The following RANBP17 variants were observed in gnomAD, a reference collection of about 807,000 sequenced individuals.
RANBP17 encodes RAN binding protein 17.
In RANBP17, 158 loss-of-function variants were observed where a neutral mutation model predicts 141.2. That is an observed-to-expected ratio of 1.12 (90% CI 0.98 to 1.28). The LOEUF (loss-of-function observed/expected upper bound fraction) is 1.28. Among genes scored for constraint, RANBP17 ranks in the 50% most tolerant of loss-of-function variants. The probability of loss-of-function intolerance (pLI) is 0.00; values close to 1 mark genes in which losing one functional copy is unlikely to be tolerated. For synonymous variants in RANBP17, 430 were observed against 450.0 expected (o/e 0.96, Z 0.56); for missense variants, 1,438 against 1,290.7 (o/e 1.11, Z -1.75).
At chr5:170,908,152 C>G (rs561196966) in intron 5 of RANBP17, among the ~76,000 whole-genome samples, 1 of 151,968 alleles carries the variant, frequency 6.6e-6, no homozygotes, top group African/African-American at 2.4e-5. Context: ...TACTATTCAA[C>G]CCAGCAATCC....
At chr5:171,184,340 A>G (rs1323299155) in intron 18 of RANBP17, among the ~76,000 whole-genome samples, 1 of 152,240 alleles carries the variant, frequency 6.6e-6, no homozygotes, top group Non-Finnish European at 1.5e-5. Context: ...CACAGTGTGG[A>G]TGAACCTGGA....
chr5:170,919,278 T>A (rs1772231331), intron 10 of RANBP17, among the ~76,000 whole-genome samples, 163 bp from the exon 11 acceptor site: 1 of 152,096 alleles, frequency 6.6e-6, no homozygotes, highest in Non-Finnish European at 1.5e-5. Flanking sequence ...TGTTGGTTTC[T>A]TTATACTTTT....
At chr5:171,091,096 G>A (rs1281481562) in intron 14 of RANBP17, among the ~76,000 whole-genome samples, 1 of 152,144 alleles carries the variant, frequency 6.6e-6, no homozygotes, top group Non-Finnish European at 1.5e-5. Context: ...CCAACAGCTT[G>A]CACTGTGCAT....
chr5:171,129,932 T>C (rs1756779411), intron 14 of RANBP17, among the ~76,000 whole-genome samples: 1 of 152,060 alleles, frequency 6.6e-6, no homozygotes, highest in Non-Finnish European at 1.5e-5. Context: ...CAGAAAACAA[T>C]AAAAATTCTA....
At chr5:170,949,274 G>A (rs991203360) in intron 12 of RANBP17, among the ~76,000 whole-genome samples, 1 of 152,078 alleles carries the variant, frequency 6.6e-6, no homozygotes, top group Non-Finnish European at 1.5e-5. Context: ...GTGCATCAAA[G>A]CATGCCATCA....
intron 14 of RANBP17, among the ~76,000 whole-genome samples, chr5:170,984,439 AAT>A (rs1364428935): frequency 4.6e-5 from 7 of 152,266 alleles, no homozygotes; most frequent in Non-Finnish European, 1.0e-4. Flanking sequence ...CAGCCTGTGC[AAT>A]ATAGCGAGAC....
intron 14 of RANBP17, among the ~76,000 whole-genome samples, chr5:170,991,856 GA>G (rs1778532146): frequency 6.6e-6 from 1 of 151,926 alleles, no homozygotes. Context: ...AATTTAATGG[GA>G]AAATTCTCTT....
In RANBP17 at chr5:171,293,998, G is replaced by A; in HGVS notation, c.3042+17G>A. On this transcript the variant is annotated intron_variant, in intron 26 of 27. Coordinates refer to ENST00000523189, the MANE Select transcript of RANBP17 (RefSeq NM_022897.5). Reference sequence around the variant, plus strand: ...AATGAGAAGGTGAGTGTGATTGCAGGAAGTCACGGGAGGTGGTCCCTGGGA... The same window carrying A: ...AATGAGAAGGTGAGTGTGATTGCAGAAAGTCACGGGAGGTGGTCCCTGGGA... 1 of 1,576,478 alleles carries A rather than the reference G, an allele frequency of 6.3e-7. No homozygotes were observed. Among genetic ancestry groups the A allele is most frequent in the Non-Finnish European group, 8.7e-7 (1 of 1,145,766 alleles).
chr5:171,202,885 C>A (rs774016511), intron 19 of RANBP17, among the ~76,000 whole-genome samples: 1 of 152,056 alleles, frequency 6.6e-6, no homozygotes, highest in African/African-American at 2.4e-5. Flanking sequence ...TATAGCTGCC[C>A]CCAGTAGTGC....
chr5:171,274,564 ATT>A (rs1767376383), intron 25 of RANBP17, among the ~76,000 whole-genome samples: 2 of 152,204 alleles, frequency 1.3e-5, no homozygotes, highest in Admixed American at 1.3e-4. Flanking sequence ...TAAAAAATAT[ATT>A]TGTTATTGAT....
chr5:171,292,305 C>T (rs773764749), intron 25 of RANBP17, among the ~76,000 whole-genome samples: 1 of 152,190 alleles, frequency 6.6e-6, no homozygotes, highest in Non-Finnish European at 1.5e-5. Context: ...ACGTTTAGAA[C>T]GGCAAAGAAG....
chr5:171,131,779 G>A (rs1756938522), intron 14 of RANBP17, among the ~76,000 whole-genome samples: 1 of 152,166 alleles, frequency 6.6e-6, no homozygotes, highest in East Asian at 1.9e-4. Flanking sequence ...AATTTATCCT[G>A]CCTATGCTGT....
chr5:170,958,559 G>C (rs542546796), intron 13 of RANBP17, among the ~76,000 whole-genome samples: 2 of 152,164 alleles, frequency 1.3e-5, no homozygotes, highest in East Asian at 1.9e-4. Flanking sequence ...GATGTCTTAC[G>C]TAAAATTACA....
intron 14 of RANBP17, among the ~76,000 whole-genome samples, chr5:171,147,534 G>A (rs1016226780): frequency 6.6e-6 from 1 of 151,360 alleles, no homozygotes; most frequent in Non-Finnish European, 1.5e-5. Flanking sequence ...TCCTGCCTCA[G>A]CCTTCCGAGT....
intron 14 of RANBP17, among the ~76,000 whole-genome samples, chr5:170,992,943 G>C (rs1378466884): frequency 6.6e-6 from 1 of 152,016 alleles, no homozygotes; most frequent in East Asian, 1.9e-4. Flanking sequence ...AGCCCTTCAC[G>C]TAATTCTGAT....
chr5:171,232,117 T>C (rs1262447687), intron 22 of RANBP17, among the ~76,000 whole-genome samples: 3 of 152,318 alleles, frequency 2.0e-5, no homozygotes, highest in African/African-American at 7.2e-5. Flanking sequence ...TGGCAACAGT[T>C]GAAAGAAAAC....
At position 170,892,528 on chromosome 5, in the gene RANBP17, T is replaced by C. The variant is rs753698563; in HGVS notation, c.398T>C (p.Ile133Thr). Residue 133 changes from isoleucine to threonine, a missense_variant, in exon 4 of 28, where the codon ATT (isoleucine) becomes ACT (threonine). Transcript: ENST00000523189. Reference sequence around the variant, plus strand: ...GACCAATTTGTCTTCAGAGAAATTATTGCTGATGTGAAGAAGTTTCTCCAG... The same window carrying C: ...GACCAATTTGTCTTCAGAGAAATTACTGCTGATGTGAAGAAGTTTCTCCAG... ...QKDQFVFREI[I>T]ADVKKFLQGT... 1.9e-6 allele frequency: 3 copies of C among 1,613,668 alleles called. No individual in the cohort carries two copies. Among genetic ancestry groups the C allele is most frequent in the African/African-American group, 1.3e-5 (1 of 74,898 alleles).
At chr5:170,927,764 A>G (rs1382613507) in intron 12 of RANBP17, among the ~76,000 whole-genome samples, 1 of 152,082 alleles carries the variant, frequency 6.6e-6, no homozygotes, top group Non-Finnish European at 1.5e-5. Context: ...TAGTTTATCC[A>G]TTCACCAGCT....
intron 14 of RANBP17, among the ~76,000 whole-genome samples, chr5:171,035,909 T>G (rs1781853435): frequency 1.3e-5 from 2 of 151,944 alleles, no homozygotes; most frequent in African/African-American, 4.8e-5. Flanking sequence ...TCTTTCTTTC[T>G]TTGAGACAGA....
Sources: allele counts gnomAD v4.1 joint callset (sites outside exome capture counted in the v4.1 genomes callset), GRCh38; gene constraint gnomAD v4.1.1; transcripts MANE v1.5; gene names NCBI Gene and HGNC (gene_info 2026-07-23, HGNC 2026-07-21).